Variants in RYR3 observed in about 807,000 individuals in gnomAD.
RYR3 encodes the protein ryanodine receptor 3.
RYR3 carries 207 observed loss-of-function variants against 584.3 expected under a neutral mutation model. The ratio of observed to expected loss-of-function variants is 0.35; its 90% confidence interval spans 0.32 to 0.40. RYR3 has a LOEUF of 0.40. Ranked by LOEUF, RYR3 falls within the 10% of genes least tolerant of loss-of-function variation. The pLI, the probability that RYR3 is intolerant of heterozygous loss-of-function variation, is 1.00. For synonymous variants in RYR3, 2,416 were observed against 2,248.5 expected, an observed-to-expected ratio of 1.07 and a Z score of -2.11; for missense variants, 5,616 against 6,089.2, an observed-to-expected ratio of 0.92 and a Z score of 2.59.
chr15:33,731,088 T>G (rs1381854637), intron 47 of RYR3, among the ~76,000 whole-genome samples: 3 of 152,176 alleles, frequency 2.0e-5, no homozygotes, highest in Admixed American at 6.5e-5. Context: ...AAAACCAGAA[T>G]AGTAATGTAG....
intron 69 of RYR3, among the ~76,000 whole-genome samples, chr15:33,806,527 C>T (rs1032313143): frequency 2.0e-5 from 3 of 151,412 alleles, no homozygotes; most frequent in Non-Finnish European, 4.4e-5. Context: ...GAAAATAAAA[C>T]GTTTCCACCA....
chr15:33,614,592 T>A (rs973048420), intron 19 of RYR3, among the ~76,000 whole-genome samples: 2 of 152,214 alleles, frequency 1.3e-5, no homozygotes, highest in Non-Finnish European at 2.9e-5. Context: ...ACAGTATTTT[T>A]GCTAACTTTG....
At position 33,670,538 on chromosome 15, in the gene RYR3, G is replaced by A; in HGVS notation, c.5842G>A (p.Glu1948Lys). The change falls in exon 38 of 104, where the codon GAG becomes AAG. Residue 1948 changes from glutamate (E) to lysine (K), a missense_variant. By Grantham distance (56) the Glu-to-Lys change is moderately conservative (BLOSUM62 1). Around this residue, in one of 9 missense-constraint regions of RYR3, gnomAD observed 1,280 missense variants for 1,426.2 expected, o/e 0.90. Transcript: ENST00000634891. ...PKPEKEQPTE[E>K]EERCPTTLKE... ...GCCAGAGAAGGAGCAGCCGACGGAG[G>A]AGGAGGAGAGATGCCCCAGTAAGTG... The A allele has an allele frequency of 3.8e-6, 6 of 1,584,934 alleles. No homozygotes were observed. The highest frequency in any genetic ancestry group is 5.1e-6 in the Non-Finnish European group (6 of 1,170,344).
chr15:33,694,450 T>C (rs1010769125), intron 38 of RYR3, among the ~76,000 whole-genome samples: 5 of 152,234 alleles, frequency 3.3e-5, no homozygotes, highest in African/African-American at 7.2e-5. Context: ...TTCACCGTGT[T>C]AGCCAGGATA....
intron 60 of RYR3, among the ~76,000 whole-genome samples, chr15:33,765,232 G>C (rs1373271430): frequency 2.0e-5 from 3 of 151,988 alleles, no homozygotes; most frequent in African/African-American, 7.3e-5. Flanking sequence ...GGTCATGATT[G>C]GGCTAAAAGA....
At chr15:33,707,736 T>C (rs2066817874) in intron 43 of RYR3, among the ~76,000 whole-genome samples, 1 of 152,210 alleles carries the variant, frequency 6.6e-6, no homozygotes, top group Non-Finnish European at 1.5e-5. Context: ...TCTCTCAGTT[T>C]GGGGTTCCAG....
chr15:33,771,673 A>G (rs1210449216), intron 62 of RYR3, among the ~76,000 whole-genome samples: 1 of 152,126 alleles, frequency 6.6e-6, no homozygotes, highest in Non-Finnish European at 1.5e-5. Flanking sequence ...TTCATTCTAA[A>G]TTGTTCTCTG....
intron 93 of RYR3, among the ~76,000 whole-genome samples, chr15:33,848,080 G>A (rs7172238): frequency 0.052 from 7,876 of 152,204 alleles, 681 homozygotes; most frequent in African/African-American, 0.18. Flanking sequence ...AACTTAAAGG[G>A]TGACCCAAAT....
intron 64 of RYR3, among the ~76,000 whole-genome samples, chr15:33,777,283 C>T (rs1447499058): frequency 1.3e-5 from 2 of 152,210 alleles, no homozygotes; most frequent in Non-Finnish European, 2.9e-5. Context: ...CTGTGGGAAG[C>T]TTGGCCCATA....
intron 1 of RYR3, among the ~76,000 whole-genome samples, chr15:33,455,030 G>A (rs1189024884): frequency 6.6e-6 from 1 of 152,196 alleles, no homozygotes; most frequent in Non-Finnish European, 1.5e-5. Context: ...GCTGGGCTCA[G>A]TAAGGAAGCT....
chr15:33,315,611 C>T lies in RYR3; in HGVS notation c.51+4515C>T, dbSNP rs542532083. 2.2e-4 allele frequency among the ~76,000 whole-genome samples: 34 copies of T among 152,338 alleles called. 2 individuals carry two copies. The South Asian group carries it at 6.2e-3, about 28-fold the overall frequency. ...CCATCTTCTCAGTCTCTGCTTCCTT[C>T]GCTTCTCAGAGCTGATCTGATTAAA... On this transcript the variant is annotated intron_variant, in intron 1 of 103. Transcript: ENST00000634891.
rs1447854148 is a variant in RYR3 at position 33,838,298 on chromosome 15, T to C, written c.12318T>C (p.Asp4106=). The C allele has an allele frequency of 2.5e-6, 4 of 1,613,998 alleles. No homozygotes were observed. Among genetic ancestry groups the C allele is most frequent in the Admixed American group, 1.7e-5 (1 of 60,024 alleles). The stretch of plus-strand genomic sequence containing the variant: ...TAGCATCTCAGATCTCTGAATCCGA[T>C]TCAGCTGACAGGCCAGAAGAGGAGG... ...MQLASQISES[D]SADRPEEEEE... The change falls in exon 89 of 104, where the codon GAT becomes GAC. Residue 4106 remains aspartate, a synonymous_variant. Coordinates refer to ENST00000634891, the MANE Select transcript of RYR3 (RefSeq NM_001036.6).
At chr15:33,406,597 C>A (rs1029648653) in intron 1 of RYR3, among the ~76,000 whole-genome samples, 3 of 152,140 alleles carry the variant, frequency 2.0e-5, no homozygotes, top group African/African-American at 7.2e-5. Context: ...GGTTGCCTGC[C>A]CTACAAATCC....
At chr15:33,631,327 T>C (rs2061255564) in intron 23 of RYR3, 34 bp downstream of exon 23, 1 of 1,363,788 alleles carries the variant, frequency 7.3e-7, no homozygotes, top group Admixed American at 2.0e-5. Flanking sequence ...TTCAAGACTT[T>C]AATGCTTCAG....
intron 1 of RYR3, among the ~76,000 whole-genome samples, chr15:33,440,259 C>G (rs2046106708): frequency 6.6e-6 from 1 of 152,190 alleles, no homozygotes; most frequent in South Asian, 2.1e-4. Context: ...TGCACTCTAG[C>G]CTGGGCAACA....
chr15:33,450,429 C>T (rs143793943), intron 1 of RYR3, among the ~76,000 whole-genome samples: 2 of 152,062 alleles, frequency 1.3e-5, no homozygotes, highest in Non-Finnish European at 2.9e-5. Context: ...AGCAGCAAGA[C>T]GCTTCTGCCG....
At chr15:33,447,813 C>T (rs1183705876) in intron 1 of RYR3, among the ~76,000 whole-genome samples, 3 of 151,972 alleles carry the variant, frequency 2.0e-5, no homozygotes, top group African/African-American at 7.2e-5. Flanking sequence ...TTCTAAAGCC[C>T]AGCTCATAAC....
chr15:33,548,353 G>A (rs962189102), intron 9 of RYR3, 149 bp downstream of exon 9: 1 of 575,300 alleles, frequency 1.7e-6, no homozygotes, highest in African/African-American at 1.9e-5. Flanking sequence ...CTGTGACTTT[G>A]TTTTTAAAGA....
At chr15:33,407,706 C>T (rs2043118324) in intron 1 of RYR3, among the ~76,000 whole-genome samples, 1 of 152,188 alleles carries the variant, frequency 6.6e-6, no homozygotes, top group South Asian at 2.1e-4. Flanking sequence ...GCAGTAGAAA[C>T]CTTGACCTAT....
Sources: gnomAD v4.1 joint callset for allele counts (sites outside exome capture counted in the v4.1 genomes callset) on GRCh38, gnomAD v4.1.1 for gene constraint, gnomAD v4.1.1 regional missense constraint, MANE v1.5 for transcripts, NCBI Gene and HGNC (gene_info 2026-07-23, HGNC 2026-07-21) for gene names.